The following CSMD1 variants were observed in gnomAD, a reference collection of about 807,000 sequenced individuals.
The protein encoded by CSMD1 is CUB and Sushi multiple domains 1, also known as CUB and sushi domain-containing protein 1.
Under a neutral mutation model 417.5 loss-of-function variants are expected in CSMD1, and 213 were observed. That is an observed-to-expected ratio of 0.51 (90% CI 0.46 to 0.57). The LOEUF (loss-of-function observed/expected upper bound fraction) is 0.57. CSMD1 is among the 20% of genes least tolerant of loss of function. The pLI is 0.00. For missense variants in CSMD1, 6,923 were observed against 4,529.7 expected (o/e 1.53, Z -15.17); for synonymous variants, 2,862 against 1,736.8 (o/e 1.65, Z -16.11).
intron 3 of CSMD1, among the ~76,000 whole-genome samples, chr8:4,347,127 T>C (rs915218543): frequency 2.0e-5 from 3 of 152,196 alleles, no homozygotes; most frequent in African/African-American, 7.2e-5. Flanking sequence ...GCAGGAAAGA[T>C]GAATGATTTT....
intron 2 of CSMD1, among the ~76,000 whole-genome samples, chr8:4,508,116 A>G (rs1351779329): frequency 6.7e-6 from 1 of 149,498 alleles, no homozygotes; most frequent in African/African-American, 2.4e-5. Flanking sequence ...CCAAAAAACA[A>G]AAACAGTGAA....
At chr8:4,954,412 A>T (rs1011634688) in intron 1 of CSMD1, among the ~76,000 whole-genome samples, 3 of 152,164 alleles carry the variant, frequency 2.0e-5, no homozygotes, top group African/African-American at 7.2e-5. Context: ...TTTCCAGGTT[A>T]GCACTCCCAA....
intron 1 of CSMD1, among the ~76,000 whole-genome samples, chr8:4,711,921 G>A (rs972100207): frequency 6.6e-6 from 1 of 152,136 alleles, no homozygotes; most frequent in Non-Finnish European, 1.5e-5. Flanking sequence ...TACAGGAAAG[G>A]GACTGAGCTG....
In CSMD1 at chr8:4,552,817, T is replaced by C. The variant is rs150860930; in HGVS notation, c.302+84525A>G. ...ACCTAACCCCACCTCCTTCACAGGATAGCCCACTGCAATTATGCTCTAGCT... is the reference window on the plus strand; with the variant it reads ...ACCTAACCCCACCTCCTTCACAGGACAGCCCACTGCAATTATGCTCTAGCT... On this transcript the variant is annotated intron_variant, in intron 2 of 69. Coordinates refer to ENST00000635120, the MANE Select transcript of CSMD1 (RefSeq NM_033225.6). 7.2e-4 allele frequency among the ~76,000 whole-genome samples: 110 copies of C among 152,328 alleles called. 1 individual carries two copies. Among genetic ancestry groups the C allele is most frequent in the African/African-American group, 2.5e-3 (103 of 41,588 alleles).
intron 5 of CSMD1, among the ~76,000 whole-genome samples, chr8:3,928,665 A>G (rs1332347586): frequency 7.0e-6 from 1 of 143,448 alleles, no homozygotes. Flanking sequence ...GGTTTAAAGA[A>G]GGTATAGATT....
At chr8:2,965,505 GGTGGC>G (rs1452482634) in intron 59 of CSMD1, among the ~76,000 whole-genome samples, 1 of 152,040 alleles carries the variant, frequency 6.6e-6, no homozygotes, top group East Asian at 1.9e-4. Flanking sequence ...CAGACTCTAG[GGTGGC>G]GTGACCGTCA....
chr8:4,294,987 C>T (rs71502982), intron 3 of CSMD1, among the ~76,000 whole-genome samples: 1 of 149,960 alleles, frequency 6.7e-6, no homozygotes, highest in Admixed American at 6.7e-5. Context: ...TGCCAAGTCA[C>T]CTGATCTGAA....
At chr8:3,056,475 C>T (rs574673426) in intron 49 of CSMD1, among the ~76,000 whole-genome samples, 2 of 151,814 alleles carry the variant, frequency 1.3e-5, no homozygotes, top group African/African-American at 2.4e-5. Flanking sequence ...TCAACCCATC[C>T]TCTCACCTCA....
intron 12 of CSMD1, among the ~76,000 whole-genome samples, chr8:3,422,907 A>T (rs11136624): frequency 0.29 from 43,622 of 152,006 alleles, 7,138 homozygotes; most frequent in Middle Eastern, 0.37. Flanking sequence ...CACTGTCCTC[A>T]CATGGCAGAA....
intron 1 of CSMD1, among the ~76,000 whole-genome samples, chr8:4,953,772 T>C (rs1808901449): frequency 1.3e-5 from 2 of 152,192 alleles, no homozygotes; most frequent in African/African-American, 4.8e-5. Flanking sequence ...AGGCTAATTC[T>C]CTCTGTCTTT....
chr8:4,929,803 CTCCACAACCACAT>C (rs1807123945), intron 1 of CSMD1, among the ~76,000 whole-genome samples: 1 of 152,130 alleles, frequency 6.6e-6, no homozygotes, highest in Admixed American at 6.5e-5. Context: ...ATTCAGCCAC[CTCCACAACCACAT>C]TCCCTCACTG....
At chr8:3,787,265 T>C (rs984728608) in intron 5 of CSMD1, among the ~76,000 whole-genome samples, 1 of 152,092 alleles carries the variant, frequency 6.6e-6, no homozygotes, top group African/African-American at 2.4e-5. Context: ...AACTTGTGAG[T>C]TGTGAAAAAC....
chr8:4,040,329 G>A (rs2740911), intron 3 of CSMD1, among the ~76,000 whole-genome samples: 133,284 of 152,234 alleles, frequency 0.88, 58,647 homozygotes, highest in African/African-American at 0.97. Context: ...TATTGAGTAT[G>A]TATCAGTAAG....
At chr8:3,243,776 A>T (rs1384273500) in intron 26 of CSMD1, among the ~76,000 whole-genome samples, 1 of 150,522 alleles carries the variant, frequency 6.6e-6, no homozygotes, top group Non-Finnish European at 1.5e-5. Context: ...AATATCATTT[A>T]TATATAATAT....
chr8:3,003,098 A>C (rs1807559339), intron 52 of CSMD1, among the ~76,000 whole-genome samples: 2 of 152,212 alleles, frequency 1.3e-5, no homozygotes, highest in African/African-American at 4.8e-5. Flanking sequence ...CTGTTTTAAA[A>C]CATTCAAAAT....
At chr8:3,018,753 T>C (rs949324274) in intron 51 of CSMD1, 103 bp from the exon 52 acceptor site, 3 of 1,087,314 alleles carry the variant, frequency 2.8e-6, no homozygotes, top group Non-Finnish European at 2.6e-6. Context: ...AAAAAACTAT[T>C]TTTAGTCTTA....
At chr8:4,516,060 T>G (rs1803102374) in intron 2 of CSMD1, among the ~76,000 whole-genome samples, 1 of 152,142 alleles carries the variant, frequency 6.6e-6, no homozygotes, top group Admixed American at 6.5e-5. Context: ...ACTGCTATGT[T>G]GAAATCTCAA....
chr8:4,055,726 C>A (rs555586247), intron 3 of CSMD1, among the ~76,000 whole-genome samples: 1 of 152,012 alleles, frequency 6.6e-6, no homozygotes, highest in African/African-American at 2.4e-5. Context: ...CAAATAAAAA[C>A]TTGCTGTCAT....
At chr8:3,542,254 C>G (rs1220979694) in intron 10 of CSMD1, among the ~76,000 whole-genome samples, 4 of 152,122 alleles carry the variant, frequency 2.6e-5, no homozygotes, top group African/African-American at 9.7e-5. Flanking sequence ...GTCATAAATT[C>G]TTTACTCTTT....
Sources: gnomAD v4.1 joint callset for allele counts (sites outside exome capture counted in the v4.1 genomes callset) on GRCh38, gnomAD v4.1.1 for gene constraint, MANE v1.5 for transcripts, NCBI Gene and HGNC (gene_info 2026-07-23, HGNC 2026-07-21) for gene names.